SIDT1: variants seen among roughly 807,000 people sequenced by gnomAD.
SIDT1 encodes the protein SID1 transmembrane family, member 1.
Under a neutral mutation model 107.5 loss-of-function variants are expected in SIDT1, and 101 were observed. That is an observed-to-expected ratio of 0.94 (90% CI 0.80 to 1.11). The LOEUF (loss-of-function observed/expected upper bound fraction) is 1.11, where lower values mean the gene tolerates loss of function less well. Among genes scored for constraint, SIDT1 ranks in the 50% least tolerant of loss-of-function variants. SIDT1 has a pLI of 0.00. For missense variants in SIDT1, 1,076 were observed against 1,058.2 expected, an observed-to-expected ratio of 1.02 and a Z score of -0.23; for synonymous variants, 395 against 398.2, an observed-to-expected ratio of 0.99 and a Z score of 0.10.
At chr3:113,538,807 A>C (rs1306487330) in intron 1 of SIDT1, among the ~76,000 whole-genome samples, 1 of 152,208 alleles carries the variant, frequency 6.6e-6, no homozygotes, top group Admixed American at 6.5e-5. Flanking sequence ...CGGCAGAAAG[A>C]AAGGGGAAAG....
chr3:113,569,931 G>A (rs1018256809), intron 3 of SIDT1, among the ~76,000 whole-genome samples: 1 of 152,080 alleles, frequency 6.6e-6, no homozygotes, highest in South Asian at 2.1e-4. Context: ...TTTTGAGACC[G>A]AGTCTTGCTG....
At chr3:113,534,049 G>A (rs1937798286) in intron 1 of SIDT1, among the ~76,000 whole-genome samples, 2 of 152,144 alleles carry the variant, frequency 1.3e-5, no homozygotes, top group Admixed American at 1.3e-4. Flanking sequence ...TACCTCTGGA[G>A]CACTGGGCGG....
At chr3:113,561,820 T>A (rs555518575) in intron 1 of SIDT1, among the ~76,000 whole-genome samples, 3 of 152,084 alleles carry the variant, frequency 2.0e-5, no homozygotes, top group Admixed American at 2.0e-4. Flanking sequence ...TAGATCAAAG[T>A]GTGAAAAAAA....
intron 1 of SIDT1, among the ~76,000 whole-genome samples, chr3:113,553,910 A>G (rs958347844): frequency 4.6e-5 from 7 of 152,154 alleles, no homozygotes; most frequent in Non-Finnish European, 7.4e-5. Context: ...CGCTGGGCGT[A>G]GTGGTGCATG....
chr3:113,607,156 GC>G, intron 15 of SIDT1, 42 bp downstream of exon 15: 1 of 1,274,398 alleles, frequency 7.8e-7, no homozygotes. Context: ...ATTTAGAGAT[GC>G]CTTTCTGTCT....
chr3:113,548,435 T>C (rs1399448079), intron 1 of SIDT1, among the ~76,000 whole-genome samples: 1 of 152,130 alleles, frequency 6.6e-6, no homozygotes, highest in Non-Finnish European at 1.5e-5. Context: ...TTTGTTTTAT[T>C]TTTACTGTCT....
At chr3:113,606,152 A>G (rs1945316667) in intron 14 of SIDT1, among the ~76,000 whole-genome samples, 1 of 152,246 alleles carries the variant, frequency 6.6e-6, no homozygotes, top group Non-Finnish European at 1.5e-5. Flanking sequence ...TCCTCCATAG[A>G]ATCCTAGGCC....
chr3:113,548,030 G>A (rs1939792415), intron 1 of SIDT1, among the ~76,000 whole-genome samples: 1 of 151,934 alleles, frequency 6.6e-6, no homozygotes, highest in Admixed American at 6.6e-5. Context: ...GGTTGTCTGG[G>A]GTACTTAGAG....
At chr3:113,591,008 T>C (rs1944107491) in intron 9 of SIDT1, among the ~76,000 whole-genome samples, 1 of 152,214 alleles carries the variant, frequency 6.6e-6, no homozygotes, top group South Asian at 2.1e-4. Context: ...GTTATCTACA[T>C]GGACCTAATG....
At position 113,603,048 on chromosome 3, in the gene SIDT1, T is replaced by C. The variant is rs774626553; in HGVS notation, c.1161T>C (p.Asp387=). The C allele has an allele frequency of 1.9e-6, 3 of 1,614,006 alleles. No homozygotes were observed. In the African/African-American group the frequency reaches 4.0e-5, roughly 22 times the overall value. ...SSPGRQMSSS[D]GGPPGQSDTD... ...CTGGAAGGCAGATGTCCTCCTCCGATGGTGGGCCACCGGGCCAGTCAGACA... is the reference window on the plus strand; with the variant it reads ...CTGGAAGGCAGATGTCCTCCTCCGACGGTGGGCCACCGGGCCAGTCAGACA... The change falls in exon 12 of 25, where the codon GAT becomes GAC. Residue 387 remains aspartate, a synonymous_variant. Coordinates refer to ENST00000264852, the MANE Select transcript of SIDT1 (RefSeq NM_017699.3).
chr3:113,567,978 T>G, intron 3 of SIDT1: 1 of 339,164 alleles, frequency 2.9e-6, no homozygotes, highest in Non-Finnish European at 5.3e-6. Context: ...GCCTGAAGTA[T>G]AGGCAAGAAT....
At chr3:113,535,759 G>A (rs1481279580) in intron 1 of SIDT1, among the ~76,000 whole-genome samples, 1 of 152,100 alleles carries the variant, frequency 6.6e-6, no homozygotes, top group Non-Finnish European at 1.5e-5. Flanking sequence ...CAGCCTTCTG[G>A]GACCAATCTT....
At chr3:113,626,380 A>G (rs1946851472) in intron 24 of SIDT1, among the ~76,000 whole-genome samples, 165 bp downstream of exon 24, 1 of 151,816 alleles carries the variant, frequency 6.6e-6, no homozygotes, top group South Asian at 2.1e-4. Flanking sequence ...CATAAATTTT[A>G]TATCCTTTGG....
At chr3:113,540,929 T>A (rs959781113) in intron 1 of SIDT1, among the ~76,000 whole-genome samples, 1 of 152,168 alleles carries the variant, frequency 6.6e-6, no homozygotes, top group Non-Finnish European at 1.5e-5. Flanking sequence ...TTCAATAAGA[T>A]GACTAATTTA....
chr3:113,607,033 T>C lies in SIDT1; in HGVS notation c.1405-8T>C, dbSNP rs747480662. 5.0e-6 allele frequency: 8 copies of C among 1,593,758 alleles called. No homozygotes were observed. The highest frequency in any genetic ancestry group is 6.9e-6 in the Non-Finnish European group (8 of 1,161,348). On this transcript the variant is annotated splice_polypyrimidine_tract_variant and splice_region_variant and intron_variant, in intron 14 of 24. Transcript: ENST00000264852. ...CCACATTTCCTCTTCTCACTCTTGA[T>C]TTTACAGGTGGTAAATGTCACTGGC...
At chr3:113,584,419 A>G (rs993808335) in intron 7 of SIDT1, among the ~76,000 whole-genome samples, 1 of 152,146 alleles carries the variant, frequency 6.6e-6, no homozygotes, top group Non-Finnish European at 1.5e-5. Context: ...TCTTCATTGG[A>G]GAAGGGAGGC....
In SIDT1 at chr3:113,593,044, T is replaced by C; in HGVS notation, c.1041T>C (p.Asn347=). Reference sequence around the variant, plus strand: ...CCATTGATGGAAGCTTTGGGTCCAATGATGGTAAGAGCAATGCTTGGTTTC... The same window carrying C: ...CCATTGATGGAAGCTTTGGGTCCAACGATGGTAAGAGCAATGCTTGGTTTC... ...RKSIDGSFGS[N]DGSGNMVASH... is the part of the protein sequence containing the mutation. The change falls in exon 10 of 25, where the codon AAT becomes AAC. Residue 347 remains asparagine, a synonymous_variant. Transcript: ENST00000264852. 6.2e-7 allele frequency: 1 copy of C among 1,612,928 alleles called. No individual in the cohort carries two copies. Among genetic ancestry groups the C allele is most frequent in the Non-Finnish European group, 8.5e-7 (1 of 1,178,846 alleles).
chr3:113,562,917 A>G (rs1239230263), intron 1 of SIDT1, among the ~76,000 whole-genome samples: 1 of 152,232 alleles, frequency 6.6e-6, no homozygotes, highest in Non-Finnish European at 1.5e-5. Flanking sequence ...AAAGTTGACT[A>G]CATTTTTAGG....
At chr3:113,549,976 C>G (rs1940032804) in intron 1 of SIDT1, among the ~76,000 whole-genome samples, 1 of 152,138 alleles carries the variant, frequency 6.6e-6, no homozygotes, top group South Asian at 2.1e-4. Flanking sequence ...TCCAGTTGTT[C>G]TAGCATCATT....
Sources: allele counts gnomAD v4.1 joint callset (sites outside exome capture counted in the v4.1 genomes callset), GRCh38; gene constraint gnomAD v4.1.1; transcripts MANE v1.5; gene names NCBI Gene and HGNC (gene_info 2026-07-23, HGNC 2026-07-21).